HYCC1: variants seen among roughly 807,000 people sequenced by gnomAD.
HYCC1 encodes the protein hyccin PI4KA lipid kinase complex subunit 1.
At chr7:22,963,347 C>T in the HYCC1 span, among the ~76,000 whole-genome samples, 2 of 151,996 alleles carry the variant, frequency 1.3e-5, no homozygotes, top group Admixed American at 6.6e-5. Context: ...AAGATTTCAG[C>T]AAAGAGACGG....
At chr7:22,909,638 C>T in the HYCC1 span, among the ~76,000 whole-genome samples, 1 of 152,170 alleles carries the variant, frequency 6.6e-6, no homozygotes, top group Admixed American at 6.6e-5. Context: ...TGCTGACTCC[C>T]TAAGTTTGCA....
chr7:22,933,053 A>G, the HYCC1 span, among the ~76,000 whole-genome samples: 4 of 152,190 alleles, frequency 2.6e-5, no homozygotes. Context: ...AGTAGCAAGA[A>G]AAGATTTTTT....
chr7:22,983,801 TG>T, the HYCC1 span: 5 of 613,128 alleles, frequency 8.2e-6, no homozygotes, highest in South Asian at 3.9e-5. Flanking sequence ...TTTCTTGGCT[TG>T]GGGAATGGTA....
chr7:22,907,826 C>T, the HYCC1 span, among the ~76,000 whole-genome samples: 4 of 152,136 alleles, frequency 2.6e-5, no homozygotes, highest in African/African-American at 7.2e-5. Flanking sequence ...GCAGGAGAAT[C>T]GCTTGAACCC....
At chr7:22,967,438 G>T in the HYCC1 span, among the ~76,000 whole-genome samples, 1 of 152,178 alleles carries the variant, frequency 6.6e-6, no homozygotes, top group Non-Finnish European at 1.5e-5. Context: ...AGGATAGAGG[G>T]CTAGGACACT....
chr7:22,929,076 A>G, the HYCC1 span, among the ~76,000 whole-genome samples: 2 of 152,230 alleles, frequency 1.3e-5, no homozygotes, highest in Non-Finnish European at 2.9e-5. Flanking sequence ...ACCTGACAAA[A>G]ACAAGCAATG....
At chr7:22,905,196 CA>C in the HYCC1 span, among the ~76,000 whole-genome samples, 1 of 151,910 alleles carries the variant, frequency 6.6e-6, no homozygotes, top group Non-Finnish European at 1.5e-5. Flanking sequence ...CTGGGGATTA[CA>C]TTTCTTTTTT....
At chr7:23,002,162 A>ATATATACAAT in the HYCC1 span, among the ~76,000 whole-genome samples, 809 of 35,438 alleles carry the variant, frequency 0.023, 12 homozygotes, top group Admixed American at 0.031. Flanking sequence ...ATATATATAT[A>ATATATACAAT]TATATATATA....
At chr7:23,008,825 A>G in the HYCC1 span, among the ~76,000 whole-genome samples, 1 of 152,040 alleles carries the variant, frequency 6.6e-6, no homozygotes, top group Non-Finnish European at 1.5e-5. Context: ...CCATCACTCT[A>G]CATTAAAATA....
At chr7:22,908,922 G>A in the HYCC1 span, among the ~76,000 whole-genome samples, 1 of 152,174 alleles carries the variant, frequency 6.6e-6, no homozygotes. Flanking sequence ...CTGTATTGAT[G>A]TGACTGAGCC....
chr7:22,932,250 G>T, the HYCC1 span, among the ~76,000 whole-genome samples: 2 of 152,118 alleles, frequency 1.3e-5, no homozygotes, highest in Non-Finnish European at 2.9e-5. Flanking sequence ...TTTTGTGCCA[G>T]TAGGAACACT....
the HYCC1 span, chr7:22,976,170 C>A: frequency 8.4e-7 from 1 of 1,196,194 alleles, no homozygotes; most frequent in South Asian, 1.2e-5. Flanking sequence ...ATCATAGATT[C>A]ATATATTTCA....
At chr7:23,013,949 T>C in the HYCC1 span, 1 of 470,614 alleles carries the variant, frequency 2.1e-6, no homozygotes, top group South Asian at 1.5e-5. Context: ...GAGCTCCACC[T>C]GCAGGACCTC....
chr7:22,929,654 C>CA, the HYCC1 span, among the ~76,000 whole-genome samples: 2 of 152,204 alleles, frequency 1.3e-5, no homozygotes, highest in Non-Finnish European at 1.5e-5. Context: ...TACCATCTCA[C>CA]ACCAGTTAGA....
the HYCC1 span, chr7:22,941,980 C>A: frequency 6.6e-6 from 1 of 152,060 alleles, no homozygotes; most frequent in African/African-American, 2.4e-5. Context: ...CATTATTCAA[C>A]ATGTATATAT....
chr7:22,936,875 G>A, the HYCC1 span: 1 of 152,180 alleles, frequency 6.6e-6, no homozygotes, highest in Admixed American at 6.6e-5. Context: ...TACCCCTTCA[G>A]GGAACTGGGA....
At chr7:22,920,913 A>G in the HYCC1 span, among the ~76,000 whole-genome samples, 1 of 151,894 alleles carries the variant, frequency 6.6e-6, no homozygotes, top group Non-Finnish European at 1.5e-5. Context: ...TTCATGTGAG[A>G]TCTGGTTGCT....
chr7:22,970,018 T>TA, the HYCC1 span, among the ~76,000 whole-genome samples: 4 of 145,882 alleles, frequency 2.7e-5, no homozygotes, highest in African/African-American at 1.0e-4. Context: ...ATTATACAAC[T>TA]AAAAAAAAAT....
the HYCC1 span, among the ~76,000 whole-genome samples, chr7:22,904,870 C>CAAA: frequency 1.6e-3 from 169 of 104,970 alleles, 1 homozygote; most frequent in African/African-American, 3.1e-3. Flanking sequence ...GACTTTGTCT[C>CAAA]AAAAAAAAAA....
Sources: allele counts gnomAD v4.1 joint callset (sites outside exome capture counted in the v4.1 genomes callset), GRCh38; gene constraint gnomAD v4.1.1; transcripts MANE v1.5; gene names NCBI Gene and HGNC (gene_info 2026-07-23, HGNC 2026-07-21).